The following MAOA variants were observed in gnomAD, a reference collection of about 807,000 sequenced individuals.
MAOA encodes monoamine oxidase A.
MAOA carries 6 observed loss-of-function variants against 42.0 expected under a neutral mutation model. The ratio of observed to expected loss-of-function variants is 0.14; its 90% CI spans 0.08 to 0.28. MAOA has a LOEUF of 0.28. MAOA is among the 10% of genes least tolerant of loss of function. The pLI, the probability that MAOA is intolerant of heterozygous loss-of-function variation, is 1.00. For synonymous variants in MAOA, 140 were observed against 154.0 expected, an observed-to-expected ratio of 0.91 and a Z score of 0.67; for missense variants, 262 against 422.3, an observed-to-expected ratio of 0.62 and a Z score of 3.33.
At chrX:43,721,029 A>G (rs1032443356) in intron 5 of MAOA, among the ~76,000 whole-genome samples, 1 of 110,803 alleles carries the variant, frequency 9.0e-6, no homozygotes, top group Non-Finnish European at 1.9e-5. Context: ...CCAGAAATGA[A>G]CCAGAGGAGT....
At chrX:43,666,130 G>A (rs1402005949) in intron 1 of MAOA, among the ~76,000 whole-genome samples, 1 of 112,020 alleles carries the variant, frequency 8.9e-6, no homozygotes, top group South Asian at 3.7e-4. Flanking sequence ...TTAGTATGTG[G>A]TTCTTCTATT....
At chrX:43,739,963 A>G (rs1476314514) in intron 10 of MAOA, among the ~76,000 whole-genome samples, 2 of 112,477 alleles carry the variant, frequency 1.8e-5, no homozygotes, top group African/African-American at 6.5e-5. Flanking sequence ...AAGAGTTTAT[A>G]TAAGTACAAC....
chrX:43,684,219 A>G (rs180915769), intron 2 of MAOA, among the ~76,000 whole-genome samples: 59 of 111,713 alleles, frequency 5.3e-4, no homozygotes, highest in African/African-American at 1.9e-3. Context: ...TTCTTGCTAC[A>G]TCGCTGCTTT....
rs530556065 is a variant in MAOA at position 43,730,411 on chromosome X, G to A, written c.646-830G>A. ...ATCTAAAGGAGCAAGCAGATGCTTA[G>A]CCTTCACCCTCTGCCTCTGCCTTGA... is the stretch of plus-strand genomic sequence containing the variant. On this transcript the variant is annotated intron_variant, in intron 6 of 14. Coordinates refer to ENST00000338702, the MANE Select transcript of MAOA (RefSeq NM_000240.4). Among the ~76,000 whole-genome samples the A allele has an allele frequency of 3.1e-4, 34 of 109,124 alleles. 1 individual carries two copies. In the South Asian group the frequency reaches 8.3e-3, roughly 27 times the overall value. The allele number at this position is 109,124 out of a possible 115,157, so 94.8% of individuals were successfully genotyped here.
chrX:43,695,599 T>G (rs912940739), intron 3 of MAOA, among the ~76,000 whole-genome samples: 3 of 111,147 alleles, frequency 2.7e-5, no homozygotes, highest in Non-Finnish European at 5.7e-5. Flanking sequence ...GGCATGGTGG[T>G]GCACATCCTG....
chrX:43,685,473 T>C (rs1005574628), intron 2 of MAOA, among the ~76,000 whole-genome samples: 1 of 112,005 alleles, frequency 8.9e-6, no homozygotes, highest in Non-Finnish European at 1.9e-5. Context: ...GAAATATCAA[T>C]GGATACTAGA....
intron 9 of MAOA, among the ~76,000 whole-genome samples, chrX:43,733,701 A>C (rs150929000): frequency 1.4e-3 from 152 of 112,376 alleles, no homozygotes; most frequent in African/African-American, 4.7e-3. Flanking sequence ...GCTCTTGCTC[A>C]GAGGGAAAGG....
intron 3 of MAOA, among the ~76,000 whole-genome samples, chrX:43,704,188 A>C (rs2147090683): frequency 8.9e-6 from 1 of 111,793 alleles, no homozygotes; most frequent in East Asian, 2.8e-4. Flanking sequence ...AAGACATCAC[A>C]AGAAAACTAC....
At chrX:43,660,235 T>A (rs2033221305) in intron 1 of MAOA, among the ~76,000 whole-genome samples, 1 of 111,607 alleles carries the variant, frequency 9.0e-6, no homozygotes, top group East Asian at 2.8e-4. Flanking sequence ...CCATCAATGT[T>A]GTTGCAAAAG....
At chrX:43,735,157 C>A (rs956628543) in intron 9 of MAOA, among the ~76,000 whole-genome samples, 1 of 112,139 alleles carries the variant, frequency 8.9e-6, no homozygotes, top group African/African-American at 3.2e-5. Context: ...CCTAAAGGAA[C>A]TGCCAATCCA....
chrX:43,680,434 A>G (rs2033433609), intron 1 of MAOA, among the ~76,000 whole-genome samples: 1 of 111,322 alleles, frequency 9.0e-6, no homozygotes, highest in Admixed American at 9.6e-5. Flanking sequence ...GATTTTGTTC[A>G]TTTCATCCCA....
chrX:43,658,539 T>C (rs1410823757), intron 1 of MAOA, among the ~76,000 whole-genome samples: 8 of 112,004 alleles, frequency 7.1e-5, no homozygotes, highest in African/African-American at 2.6e-4. Flanking sequence ...ATATAAGTTG[T>C]AGGTCCCACA....
intron 3 of MAOA, among the ~76,000 whole-genome samples, chrX:43,701,880 A>G (rs2033627323): frequency 8.9e-6 from 1 of 112,109 alleles, no homozygotes; most frequent in Admixed American, 9.5e-5. Flanking sequence ...TGCCTCTCAG[A>G]GGTTAAAATC....
chrX:43,665,371 T>C (rs1394852392), intron 1 of MAOA, among the ~76,000 whole-genome samples: 1 of 111,274 alleles, frequency 9.0e-6, no homozygotes, highest in African/African-American at 3.3e-5. Context: ...TCAACTTCCA[T>C]GAACATTGAT....
intron 1 of MAOA, among the ~76,000 whole-genome samples, chrX:43,670,061 A>G (rs761684038): frequency 4.6e-4 from 52 of 112,093 alleles, no homozygotes; most frequent in African/African-American, 1.7e-3. Context: ...TACTAATGGT[A>G]TATTTACCAG....
chrX:43,731,547 T>C, intron 7 of MAOA, 147 bp from the exon 8 acceptor site: 1 of 849,352 alleles, frequency 1.2e-6, no homozygotes. Context: ...CCTTGATCTG[T>C]TTTGTTGCCT....
intron 1 of MAOA, among the ~76,000 whole-genome samples, chrX:43,682,044 G>A (rs777761711): frequency 1.5e-4 from 17 of 109,878 alleles, no homozygotes; most frequent in Non-Finnish European, 3.0e-4. Context: ...ACCATGCCCA[G>A]CTAATTTTTT....
At chrX:43,657,946 G>C (rs1483805049) in intron 1 of MAOA, 14 of 747,064 alleles carry the variant, frequency 1.9e-5, no homozygotes, top group African/African-American at 4.7e-5. Flanking sequence ...TGGAGCATCA[G>C]AGGAAAGCAG....
rs989152730 is a variant in MAOA at position 43,744,576 on chromosome X, A to G, written c.*63A>G. 7.1e-6 allele frequency: 8 copies of G among 1,132,492 alleles called. No homozygotes were observed. The African/African-American group carries it at 1.3e-4, about 18-fold the overall frequency. 93.3% of individuals were successfully genotyped at this position (1,132,492 alleles called of 1,213,427 possible). ...TACCACCAAGAGGAAAATATTGACA[A>G]GTTTAAAGGCTGTGTCATTGGGCCA... On this transcript the variant is annotated 3_prime_UTR_variant, in exon 15 of 15. Transcript: ENST00000338702.
Sources: allele counts gnomAD v4.1 joint callset (sites outside exome capture counted in the v4.1 genomes callset), GRCh38; gene constraint gnomAD v4.1.1; transcripts MANE v1.5; gene names NCBI Gene and HGNC (gene_info 2026-07-23, HGNC 2026-07-21).